Variants in ABCC6 observed in about 807,000 individuals in gnomAD.
The protein encoded by ABCC6 is ATP binding cassette subfamily C member 6, also known as ATP-binding cassette sub-family C member 6.
In ABCC6, 126 loss-of-function variants were observed where a neutral mutation model predicts 169.5. That is an observed-to-expected ratio of 0.74 (90% CI 0.64 to 0.86). The LOEUF (loss-of-function observed/expected upper bound fraction) is 0.86. ABCC6 is among the 40% of genes least tolerant of loss of function. The pLI, the probability that ABCC6 is intolerant of heterozygous loss-of-function variation, is 0.00. For synonymous variants in ABCC6, 752 were observed against 814.7 expected (o/e 0.92, Z 1.31); for missense variants, 1,733 against 1,927.2 (o/e 0.90, Z 1.89).
At chr16:16,189,082 G>T in intron 12 of ABCC6, 108 bp from the exon 13 acceptor site, 1 of 1,304,046 alleles carries the variant, frequency 7.7e-7, no homozygotes, top group Non-Finnish European at 1.1e-6. Context: ...CACCCGCCAT[G>T]TCCGCATGTG....
rs184301360 is a variant in ABCC6, at chr16:16,157,912, G to A, written c.3736-103C>T. ...CAGTTTTCTCTTCCGCAAAATGGACGTATTTATTGCTGTTTTACAGGGTTG... is the reference window on the plus strand; with the variant it reads ...CAGTTTTCTCTTCCGCAAAATGGACATATTTATTGCTGTTTTACAGGGTTG... On this transcript the variant is annotated intron_variant, in intron 26 of 30. Transcript: ENST00000205557. 203 of 1,267,914 alleles carry A rather than the reference G, an allele frequency of 1.6e-4. 2 individuals carry two copies. The highest frequency in any genetic ancestry group is 7.9e-4 in the Admixed American group (34 of 42,950). The allele number at this position is 1,267,914 out of a possible 1,614,324, so 78.5% of individuals were successfully genotyped here. A position where few individuals can be genotyped will look rare whatever the true frequency, so the allele number is the denominator to read the frequency against.
chr16:16,217,724 G>A, intron 4 of ABCC6, among the ~76,000 whole-genome samples: 1 of 152,082 alleles, frequency 6.6e-6, no homozygotes, highest in Non-Finnish European at 1.5e-5. Flanking sequence ...TCAACTGTGG[G>A]AGCCCACCAT....
Position 16,163,021 on chromosome 16 carries a change from T to G in ABCC6, c.3478A>C (p.Ile1160Leu). 1.9e-6 allele frequency: 3 copies of G among 1,614,078 alleles called. No individual in the cohort carries two copies. The highest frequency in any genetic ancestry group is 1.7e-6 in the Non-Finnish European group (2 of 1,180,034). Residue 1160 changes from isoleucine (I) to leucine (L), a missense_variant, in exon 24 of 31, where the codon ATC (isoleucine) becomes CTC (leucine). Transcript: ENST00000205557. ...NNARVDESQR[I>L]SFPRLVADRW... ...TCAGCCACCAGTCGCGGGAAACTGA[T>G]CCTCTGGCTTTCATCTACGCGAGCA... is the stretch of plus-strand genomic sequence containing the variant.
Position 16,192,814 on chromosome 16 carries a change from T to C in ABCC6, c.1431+16A>G. The C allele has an allele frequency of 6.2e-7, 1 of 1,610,642 alleles. No homozygotes were observed. The highest frequency in any genetic ancestry group is 8.5e-7 in the Non-Finnish European group (1 of 1,176,964). ...CCTACTTCCTGCCTGGTCCGTCCCT[T>C]TCCCAAAAGCCAAACCTGATGGTGG... On this transcript the variant is annotated intron_variant, in intron 11 of 30. Coordinates refer to ENST00000205557, the MANE Select transcript of ABCC6 (RefSeq NM_001171.6).
At chr16:16,179,027 A>G in intron 17 of ABCC6, 62 bp from the exon 18 acceptor site, 1 of 1,565,190 alleles carries the variant, frequency 6.4e-7, no homozygotes, top group Non-Finnish European at 8.7e-7. Context: ...TGGGGTGCCC[A>G]GGCTGTGGCA....
intron 15 of ABCC6, among the ~76,000 whole-genome samples, chr16:16,184,528 C>G (rs2047584999): frequency 6.6e-6 from 1 of 152,150 alleles, no homozygotes; most frequent in Non-Finnish European, 1.5e-5. Flanking sequence ...TCAGGGCTGT[C>G]TGAGATTTTT....
chr16:16,202,126 G>GGTAGCCC lies in ABCC6; in HGVS notation c.1044_1050dup (p.Leu351GlyfsTer19). ...GAGAGGAACATCAGCACGGCGAGGA[G>GGTAGCCC]GTAGCCCTTCCAGGCTGGAGGCTTG... On this transcript the variant is annotated frameshift_variant, in exon 9 of 31. Transcript: ENST00000205557. LOFTEE classifies it high-confidence loss of function. The GGTAGCCC allele has an allele frequency of 1.2e-6, 2 of 1,613,896 alleles. No homozygotes were observed. The highest frequency in any genetic ancestry group is 1.7e-5 in the Admixed American group (1 of 60,016).
chr16:16,194,322 T>C (rs2047963958), intron 10 of ABCC6, among the ~76,000 whole-genome samples: 1 of 152,224 alleles, frequency 6.6e-6, no homozygotes, highest in South Asian at 2.1e-4. Flanking sequence ...CCAGTTACAT[T>C]TGAAGATAAA....
At position 16,203,652 on chromosome 16, in the gene ABCC6, A is replaced by G. The variant is rs754704797; in HGVS notation, c.795-39T>C. ...AGAGATTAGCTCTGGGTCCCATTTTATACTCTCAGCCGCCAGCGGCAGGGC... is the reference window on the plus strand; with the variant it reads ...AGAGATTAGCTCTGGGTCCCATTTTGTACTCTCAGCCGCCAGCGGCAGGGC... On this transcript the variant is annotated intron_variant, in intron 7 of 30. Transcript: ENST00000205557. 9.3e-6 allele frequency: 15 copies of G among 1,611,542 alleles called. No homozygotes were observed. In the African/African-American group the frequency reaches 1.3e-4, roughly 14 times the overall value.
intron 14 of ABCC6, among the ~76,000 whole-genome samples, chr16:16,185,508 G>A (rs1324823810): frequency 6.6e-6 from 1 of 152,154 alleles, no homozygotes; most frequent in Non-Finnish European, 1.5e-5. Context: ...ACTGTGGCCG[G>A]CACAGTGTCT....
At chr16:16,166,066 T>C in intron 22 of ABCC6, 133 bp from the exon 23 acceptor site, 1 of 909,660 alleles carries the variant, frequency 1.1e-6, no homozygotes, top group Non-Finnish European at 1.7e-6. Context: ...ATTATATTTT[T>C]TTGAGACAGG....
chr16:16,182,977 G>A (rs1407085021), intron 15 of ABCC6, 47 bp from the exon 16 acceptor site: 11 of 1,614,076 alleles, frequency 6.8e-6, no homozygotes, highest in Admixed American at 3.3e-5. Flanking sequence ...GGTTCAGCCC[G>A]CCTCTGTGAG....
chr16:16,169,925 G>T (rs2047004855), intron 21 of ABCC6, 72 bp from the exon 22 acceptor site: 1 of 1,474,852 alleles, frequency 6.8e-7, no homozygotes. Flanking sequence ...GCAAGGCCAG[G>T]CGAGGCTCCC....
At chr16:16,169,410 G>A (rs891048015) in intron 22 of ABCC6, among the ~76,000 whole-genome samples, 3 of 152,178 alleles carry the variant, frequency 2.0e-5, no homozygotes, top group African/African-American at 4.8e-5. Context: ...GACGCCTTCC[G>A]CTAGTGGGGA....
intron 25 of ABCC6, 115 bp from the exon 26 acceptor site, chr16:16,159,698 G>A (rs541307212): frequency 5.4e-5 from 49 of 914,938 alleles, no homozygotes; most frequent in Non-Finnish European, 6.4e-5. Flanking sequence ...GTAAAGAGGG[G>A]AGGCAGGAAT....
Position 16,163,159 on chromosome 16 carries a change from G to A in ABCC6, c.3340C>T (p.Arg1114Cys), listed in dbSNP as rs63749794. The A allele has an allele frequency of 3.6e-5, 58 of 1,613,674 alleles. No individual in the cohort carries two copies. Among genetic ancestry groups the A allele is most frequent in the Admixed American group, 2.8e-4 (17 of 60,014 alleles). ...GACGAGTAGCTGGCTGACTCCAAGC[G>A]TCTCAGCTGGCATGAGCTAACCACA... ...LYVVSSCQLR[R>C]LESASYSSVC... is the part of the protein sequence containing the mutation. The change falls in exon 24 of 31, where the codon CGC (arginine) becomes TGC (cysteine). Residue 1114 changes from arginine (R) to cysteine (C), a missense_variant. This residue lies in a region of ABCC6 where 1,601 missense variants were observed against 1,635.5 expected (regional missense o/e 0.98). Coordinates refer to ENST00000205557, the MANE Select transcript of ABCC6 (RefSeq NM_001171.6).
At position 16,165,526 on chromosome 16, in the gene ABCC6, G is replaced by C; in HGVS notation, c.3306+97C>G. Reference sequence around the variant, plus strand: ...TCTAGGAACAGCCCCTAGATGTCCAGCTGGGTGAAACCTCATATATGGAGT... The same window carrying C: ...TCTAGGAACAGCCCCTAGATGTCCACCTGGGTGAAACCTCATATATGGAGT... On this transcript the variant is annotated intron_variant, in intron 23 of 30. Coordinates refer to ENST00000205557, the MANE Select transcript of ABCC6 (RefSeq NM_001171.6). The C allele has an allele frequency of 2.9e-6, 4 of 1,361,392 alleles. No individual in the cohort carries two copies. In the South Asian group the frequency reaches 4.8e-5, roughly 16 times the overall value. The allele number at this position is 1,361,392 out of a possible 1,614,324, so 84.3% of individuals were successfully genotyped here. A position where few individuals can be genotyped will look rare whatever the true frequency, so the allele number is the denominator to read the frequency against.
chr16:16,179,126 C>G lies in ABCC6; in HGVS notation c.2248-161G>C, dbSNP rs2047389128. ...GCCCAGCTTCCAAGGCACTCGCTCTCAAGCCAACAATGCCTCCATCCTTAC... is the reference window on the plus strand; with the variant it reads ...GCCCAGCTTCCAAGGCACTCGCTCTGAAGCCAACAATGCCTCCATCCTTAC... On this transcript the variant is annotated intron_variant, in intron 17 of 30. Coordinates refer to ENST00000205557, the MANE Select transcript of ABCC6 (RefSeq NM_001171.6). Among the ~76,000 whole-genome samples the G allele has an allele frequency of 4.6e-5, 7 of 152,308 alleles. 1 individual carries two copies. In the South Asian group the frequency reaches 1.2e-3, roughly 27 times the overall value.
chr16:16,213,265 A>G (rs1488023644), intron 5 of ABCC6, among the ~76,000 whole-genome samples: 1 of 151,910 alleles, frequency 6.6e-6, no homozygotes, highest in East Asian at 1.9e-4. Flanking sequence ...GGCTATTTTT[A>G]AAAACCTTTT....
Sources: allele counts gnomAD v4.1 joint callset (sites outside exome capture counted in the v4.1 genomes callset), GRCh38; gene constraint gnomAD v4.1.1; regional missense constraint gnomAD v4.1.1; transcripts MANE v1.5; gene names NCBI Gene and HGNC (gene_info 2026-07-23, HGNC 2026-07-21).